The following SH3TC1 variants were observed in gnomAD, a reference collection of about 807,000 sequenced individuals.
SH3TC1 encodes the protein SH3 domain and tetratricopeptide repeat-containing protein 1.
Under a neutral mutation model 117.3 loss-of-function variants are expected in SH3TC1, and 135 were observed. That is an observed-to-expected ratio of 1.15 (90% CI 1.00 to 1.33). The LOEUF (loss-of-function observed/expected upper bound fraction) is 1.33. SH3TC1 is among the 40% of genes most tolerant of loss of function. SH3TC1 has a pLI of 0.00. For synonymous variants in SH3TC1, 898 were observed against 816.9 expected (o/e 1.10, Z -1.69); for missense variants, 2,092 against 1,794.3 (o/e 1.17, Z -3.00).
At chr4:8,217,508 C>A (rs1169875742) in intron 7 of SH3TC1, among the ~76,000 whole-genome samples, 1 of 152,224 alleles carries the variant, frequency 6.6e-6, no homozygotes, top group African/African-American at 2.4e-5. Context: ...TGAGAAGGCA[C>A]ACGGGACCCA....
Position 8,210,585 on chromosome 4 carries a change from C to T in SH3TC1, c.247+763C>T, listed in dbSNP as rs575399631. ...TCAGGAGTTCAAGATCAGCCTGGCC[C>T]ATATGGTGAAACCCCATCTCTACTA... On this transcript the variant is annotated intron_variant, in intron 3 of 17. Transcript: ENST00000245105. This position sits in a 1 kb window ranked among gnomAD's most constrained non-coding sequence, Gnocchi z 4.1. 1.3e-5 allele frequency among the ~76,000 whole-genome samples: 2 copies of T among 151,804 alleles called. No homozygotes were observed. Among genetic ancestry groups the T allele is most frequent in the African/African-American group, 4.8e-5 (2 of 41,312 alleles).
At chr4:8,184,243 C>A (rs571361209) in intron 1 of SH3TC1, among the ~76,000 whole-genome samples, 2 of 152,366 alleles carry the variant, frequency 1.3e-5, no homozygotes, top group Admixed American at 1.3e-4. Context: ...TCTGCCCCAC[C>A]AGCAATCTGT....
intron 2 of SH3TC1, among the ~76,000 whole-genome samples, chr4:8,207,274 A>G (rs1310388864): frequency 6.6e-6 from 1 of 152,184 alleles, no homozygotes; most frequent in Non-Finnish European, 1.5e-5. Context: ...ATCCCGCAGA[A>G]GTGATGTTTC....
Position 8,205,396 on chromosome 4 carries a change from C to G in SH3TC1, c.172+30C>G, listed in dbSNP as rs1319670851. The G allele has an allele frequency of 6.6e-7, 1 of 1,525,004 alleles. No individual in the cohort carries two copies. 94.5% of individuals were successfully genotyped at this position (1,525,004 alleles called of 1,614,324 possible). A position where few individuals can be genotyped will look rare whatever the true frequency, so the allele number is the denominator to read the frequency against. On this transcript the variant is annotated intron_variant, in intron 2 of 17. Transcript: ENST00000245105. The surrounding 1 kb of genome is among the most constrained non-coding windows in gnomAD (Gnocchi z 5.4). ...GTTCATTCCACCCTCACCACCCGCC[C>G]TCCATCCCACCCACTTCTCCACCCC...
chr4:8,233,803 TTCCA>T lies in SH3TC1; in HGVS notation c.3282+301_3282+304del, dbSNP rs1266546379. On this transcript the variant is annotated intron_variant, in intron 14 of 17. Transcript: ENST00000245105. ...TATCCATCCATTCACCTGTTCGTCC[TTCCA>T]TCCATCCATCATCCGTCCATCCATC... Among the ~76,000 whole-genome samples, 54 of 147,456 alleles carry T rather than the reference TTCCA, an allele frequency of 3.7e-4. 1 individual carries two copies. Among genetic ancestry groups the T allele is most frequent in the African/African-American group, 1.2e-3 (49 of 39,520 alleles).
At chr4:8,233,687 A>C (rs1452936919) in intron 14 of SH3TC1, among the ~76,000 whole-genome samples, 174 bp downstream of exon 14, 1 of 149,548 alleles carries the variant, frequency 6.7e-6, no homozygotes. Flanking sequence ...GGGTCCTTCC[A>C]TCCATCCATC....
At chr4:8,219,567 C>A in intron 9 of SH3TC1, 37 bp downstream of exon 9, 2 of 1,465,172 alleles carry the variant, frequency 1.4e-6, no homozygotes, top group Non-Finnish European at 1.8e-6. Context: ...CCTGAACCCA[C>A]CCCCATCTCA....
rs1720652421 is a variant in SH3TC1 at position 8,227,765 on chromosome 4, C to G, written c.2071C>G (p.Leu691Val). The G allele has an allele frequency of 1.2e-6, 2 of 1,611,954 alleles. No individual in the cohort carries two copies. The highest frequency in any genetic ancestry group is 1.3e-5 in the African/African-American group (1 of 74,926). Residue 691 changes from leucine to valine, a missense_variant, in exon 12 of 18, where the codon CTG becomes GTG. Transcript: ENST00000245105. Reference protein sequence around the residue: ...PEEALPFLERLLLLHRDSGAP... With the variant: ...PEEALPFLERVLLLHRDSGAP... ...GGAGGCCCTGCCCTTCCTAGAGCGG[C>G]TGCTGCTTTTGCACAGGGACTCGGG...
rs774559241 is a variant in SH3TC1 at position 8,227,266 on chromosome 4, G to A, written c.1572G>A (p.Pro524=). 106 of 1,601,862 alleles carry A rather than the reference G, an allele frequency of 6.6e-5. No individual in the cohort carries two copies. Among genetic ancestry groups the A allele is most frequent in the South Asian group, 4.8e-4 (43 of 89,990 alleles). The part of the protein sequence containing the change: ...SFRGLYDVAL[P]WLSSVFRSFS... ...GTGGCCTGTACGATGTGGCGCTGCCGTGGCTGAGCAGCGTGTTCCGCAGCT... is the reference window on the plus strand; with the variant it reads ...GTGGCCTGTACGATGTGGCGCTGCCATGGCTGAGCAGCGTGTTCCGCAGCT... The change falls in exon 12 of 18, where the codon CCG becomes CCA. Residue 524 remains proline (P), a synonymous_variant. Transcript: ENST00000245105.
At chr4:8,197,844 C>T (rs368781707), upstream of SH3TC1, among the ~76,000 whole-genome samples, 20 of 152,278 alleles carry the variant, frequency 1.3e-4, no homozygotes, top group South Asian at 4.1e-4. Context: ...TTGAGGTAAG[C>T]GTCAGCCCCT....
Position 8,227,849 on chromosome 4 carries a change from C to T in SH3TC1, c.2155C>T (p.Arg719Cys), listed in dbSNP as rs777250556. ...CYLLLADIYS[R>C]KCLPHLVLSC... ...CCTACTCCTGGCTGACATCTACAGC[C>T]GCAAGTGCCTGCCCCACCTGGTGCT... Residue 719 changes from arginine (R) to cysteine (C), a missense_variant, in exon 12 of 18, where the codon CGC (arginine) becomes TGC (cysteine). Transcript: ENST00000245105. The T allele has an allele frequency of 2.4e-5, 39 of 1,612,690 alleles. No homozygotes were observed. The highest frequency in any genetic ancestry group is 2.8e-5 in the Non-Finnish European group (33 of 1,179,982).
At chr4:8,203,034 G>A (rs1459621642) in intron 1 of SH3TC1, among the ~76,000 whole-genome samples, 1 of 152,188 alleles carries the variant, frequency 6.6e-6, no homozygotes, top group African/African-American at 2.4e-5. Context: ...GGGCTTACAT[G>A]ACACCCACTC....
chr4:8,226,783 G>C (rs965911616), intron 11 of SH3TC1, among the ~76,000 whole-genome samples, 197 bp from the exon 12 acceptor site: 1 of 152,194 alleles, frequency 6.6e-6, no homozygotes, highest in East Asian at 1.9e-4. Flanking sequence ...CCACAGTGCC[G>C]GAGTTCCTAT....
In SH3TC1 at chr4:8,228,528, T is replaced by C. The variant is rs779047689; in HGVS notation, c.2834T>C (p.Phe945Ser). The C allele has an allele frequency of 1.9e-6, 3 of 1,611,278 alleles. No homozygotes were observed. Among genetic ancestry groups the C allele is most frequent in the Middle Eastern group, 1.7e-4 (1 of 6,006 alleles). The change falls in exon 12 of 18, where the codon TTC (phenylalanine) becomes TCC (serine). Residue 945 changes from phenylalanine (F) to serine (S), a missense_variant. Phe to Ser is a radical substitution (Grantham distance 155). Coordinates refer to ENST00000245105, the MANE Select transcript of SH3TC1 (RefSeq NM_018986.5). ...CCCCTTGGGGAGTGTGGCCGGGACTTCACCCACGTGCTCCTGCAGCTGGGC... is the reference window on the plus strand; with the variant it reads ...CCCCTTGGGGAGTGTGGCCGGGACTCCACCCACGTGCTCCTGCAGCTGGGC... The part of the protein sequence containing the change: ...RLPLGECGRD[F>S]THVLLQLGHL...
intron 9 of SH3TC1, among the ~76,000 whole-genome samples, chr4:8,222,356 ATCTGGTTTTTTTTTTTTTTTTTT>A (rs1280046115): frequency 8.0e-6 from 1 of 124,248 alleles, no homozygotes; most frequent in African/African-American, 3.1e-5. Context: ...TGAGGTCAGG[ATCTGGTTTTTTTTTTTTTTTTTT>A]TTTTTTTTTT....
In SH3TC1 at chr4:8,206,497, C is replaced by T. The variant is rs750186863; in HGVS notation, c.172+1131C>T. Reference sequence around the variant, plus strand: ...CGGGGCCCAGGGAGGAGCTGGGAGCCTCTGGGAAGGGGAGTGGTAGGAGTT... The same window carrying T: ...CGGGGCCCAGGGAGGAGCTGGGAGCTTCTGGGAAGGGGAGTGGTAGGAGTT... On this transcript the variant is annotated intron_variant, in intron 2 of 17. Coordinates refer to ENST00000245105, the MANE Select transcript of SH3TC1 (RefSeq NM_018986.5). This position sits in a 1 kb window ranked among gnomAD's most constrained non-coding sequence, Gnocchi z 5.5. Among the ~76,000 whole-genome samples, 1 of 152,144 alleles carries T rather than the reference C, an allele frequency of 6.6e-6. No homozygotes were observed. The highest frequency in any genetic ancestry group is 2.4e-5 in the African/African-American group (1 of 41,442).
chr4:8,218,919 G>A (rs752843138), intron 8 of SH3TC1, among the ~76,000 whole-genome samples: 4 of 151,974 alleles, frequency 2.6e-5, no homozygotes, highest in South Asian at 2.1e-4. Flanking sequence ...CAGAGCTGCC[G>A]GTGTCTGGGT....
chr4:8,195,797 T>C (rs1162441477), upstream of SH3TC1, among the ~76,000 whole-genome samples: 1 of 152,004 alleles, frequency 6.6e-6, no homozygotes, highest in Non-Finnish European at 1.5e-5. Context: ...GGCACCCGCT[T>C]TGAGTCTCAG....
chr4:8,234,945 C>G (rs538845352), intron 14 of SH3TC1, among the ~76,000 whole-genome samples: 1 of 152,226 alleles, frequency 6.6e-6, no homozygotes, highest in Admixed American at 6.5e-5. Flanking sequence ...AACTGGGAAG[C>G]CCAAGAGCCT....
Sources: allele counts gnomAD v4.1 joint callset (sites outside exome capture counted in the v4.1 genomes callset), GRCh38; gene constraint gnomAD v4.1.1; non-coding constraint Gnocchi (gnomAD v3.1); transcripts MANE v1.5; gene names NCBI Gene and HGNC (gene_info 2026-07-23, HGNC 2026-07-21).